The following KCNIP4 variants were observed in gnomAD, a reference collection of about 807,000 sequenced individuals.
KCNIP4 encodes Kv channel-interacting protein 4.
In KCNIP4, 12 loss-of-function variants were observed where a neutral mutation model predicts 34.0. The observed-to-expected ratio is 0.35, with a 90% CI of 0.23 to 0.57. The LOEUF (loss-of-function observed/expected upper bound fraction) is 0.57. Among genes scored for constraint, KCNIP4 ranks in the 20% least tolerant of loss-of-function variants. The pLI is 0.83. For missense variants in KCNIP4, 238 were observed against 311.7 expected (o/e 0.76, Z 1.78); for synonymous variants, 124 against 102.2 (o/e 1.21, Z -1.29).
intron 1 of KCNIP4, among the ~76,000 whole-genome samples, chr4:21,013,900 T>C (rs28473740): frequency 0.44 from 66,969 of 152,010 alleles, 16,328 homozygotes; most frequent in African/African-American, 0.67. Context: ...TTGAAACTCT[T>C]TACCTTGTCA....
rs552117340 is a variant in KCNIP4, at chr4:20,811,521, G to A, written c.288+39022C>T. Reference sequence around the variant, plus strand: ...TGTGTGTGTGTGTGTGTGTGCGCGCGCGCACGCGTGCACGCCAGAGGGGAG... The same window carrying A: ...TGTGTGTGTGTGTGTGTGTGCGCGCACGCACGCGTGCACGCCAGAGGGGAG... On this transcript the variant is annotated intron_variant, in intron 3 of 8. Coordinates refer to ENST00000382152, the MANE Select transcript of KCNIP4 (RefSeq NM_025221.6). Among the ~76,000 whole-genome samples, 30 of 149,238 alleles carry A rather than the reference G, an allele frequency of 2.0e-4. No individual in the cohort carries two copies. In the South Asian group the frequency reaches 2.7e-3, roughly 14 times the overall value.
intron 1 of KCNIP4, among the ~76,000 whole-genome samples, chr4:21,643,458 T>C (rs1474103204): frequency 2.0e-5 from 3 of 152,194 alleles, no homozygotes; most frequent in African/African-American, 7.2e-5. Flanking sequence ...TTAAGATGTA[T>C]ATGAGTGCCA....
intron 1 of KCNIP4, among the ~76,000 whole-genome samples, chr4:21,253,874 T>C (rs1026756845): frequency 2.6e-5 from 4 of 152,112 alleles, no homozygotes; most frequent in Admixed American, 6.5e-5. Flanking sequence ...TGTAAACAAA[T>C]AAATGGATTA....
intron 1 of KCNIP4, among the ~76,000 whole-genome samples, chr4:21,341,186 C>G (rs1468035337): frequency 1.3e-5 from 2 of 152,044 alleles, no homozygotes; most frequent in East Asian, 1.9e-4. Context: ...AGGATTTTTC[C>G]CTAGAGCTTT....
At chr4:21,409,864 C>T (rs1724332651) in intron 1 of KCNIP4, among the ~76,000 whole-genome samples, 1 of 152,098 alleles carries the variant, frequency 6.6e-6, no homozygotes, top group Admixed American at 6.5e-5. Context: ...TGTCATCAGT[C>T]CTGAGGGTTT....
chr4:21,071,056 T>G (rs1330738996), intron 1 of KCNIP4, among the ~76,000 whole-genome samples: 2 of 152,096 alleles, frequency 1.3e-5, no homozygotes, highest in East Asian at 1.9e-4. Context: ...CCCAGTCTGT[T>G]GCTTGTCTTT....
At chr4:21,317,812 G>A (rs1465852563) in intron 1 of KCNIP4, among the ~76,000 whole-genome samples, 1 of 152,262 alleles carries the variant, frequency 6.6e-6, no homozygotes, top group East Asian at 1.9e-4. Context: ...ATAAGTCCCA[G>A]GAGATCTGAT....
chr4:21,675,178 T>G (rs1237900883), intron 1 of KCNIP4, among the ~76,000 whole-genome samples: 1 of 152,174 alleles, frequency 6.6e-6, no homozygotes, highest in East Asian at 1.9e-4. Flanking sequence ...TTATGTTAAG[T>G]GAAATAAACA....
intron 1 of KCNIP4, among the ~76,000 whole-genome samples, chr4:21,895,513 A>G (rs183284866): frequency 1.3e-4 from 20 of 152,308 alleles, no homozygotes; most frequent in African/African-American, 4.8e-4. Context: ...CTATGTCAGT[A>G]TTAGGAATGA....
At chr4:20,979,244 G>A (rs1735797290) in intron 1 of KCNIP4, among the ~76,000 whole-genome samples, 1 of 151,996 alleles carries the variant, frequency 6.6e-6, no homozygotes, top group Non-Finnish European at 1.5e-5. Flanking sequence ...TTCATGTCAT[G>A]GATATCATTA....
chr4:21,699,704 G>C (rs574851773), intron 1 of KCNIP4, among the ~76,000 whole-genome samples: 21 of 152,274 alleles, frequency 1.4e-4, no homozygotes, highest in African/African-American at 5.1e-4. Context: ...AGCCAGGAGA[G>C]ACTTCTGGGA....
At chr4:21,253,317 C>T (rs1221154672) in intron 1 of KCNIP4, among the ~76,000 whole-genome samples, 1 of 152,106 alleles carries the variant, frequency 6.6e-6, no homozygotes, top group Admixed American at 6.5e-5. Context: ...AAATGTGGTA[C>T]CCCCTACTTC....
At chr4:21,310,631 T>A (rs1443105088) in intron 1 of KCNIP4, among the ~76,000 whole-genome samples, 2 of 147,114 alleles carry the variant, frequency 1.4e-5, no homozygotes, top group Non-Finnish European at 3.0e-5. Flanking sequence ...TTCTTTCTTC[T>A]TCTTTTTTTT....
chr4:21,619,851 G>A (rs889262672), intron 1 of KCNIP4, among the ~76,000 whole-genome samples: 1 of 152,150 alleles, frequency 6.6e-6, no homozygotes, highest in Non-Finnish European at 1.5e-5. Context: ...AAAATCATAA[G>A]TGCTTTAGTA....
chr4:20,996,287 C>T (rs1349895732), intron 1 of KCNIP4, among the ~76,000 whole-genome samples: 1 of 152,186 alleles, frequency 6.6e-6, no homozygotes, highest in Non-Finnish European at 1.5e-5. Flanking sequence ...TTTTACACAG[C>T]AGCCAGATTA....
chr4:20,734,620 T>C lies in KCNIP4; in HGVS notation c.537+8A>G. ...AAATTACTGTGATGTTGGTGAGGCATCCCTTACCTCTTTAGTGATGTAGCC... is the reference window on the plus strand; with the variant it reads ...AAATTACTGTGATGTTGGTGAGGCACCCCTTACCTCTTTAGTGATGTAGCC... On this transcript the variant is annotated splice_region_variant and intron_variant, in intron 6 of 8. Transcript: ENST00000382152. The C allele has an allele frequency of 7.9e-7, 1 of 1,273,122 alleles. No individual in the cohort carries two copies. The highest frequency in any genetic ancestry group is 1.1e-6 in the Non-Finnish European group (1 of 912,404). 78.9% of individuals were successfully genotyped at this position (1,273,122 alleles called of 1,614,324 possible). A position where few individuals can be genotyped will look rare whatever the true frequency, so the allele number is the denominator to read the frequency against.
At chr4:21,044,336 G>C (rs373270395) in intron 1 of KCNIP4, among the ~76,000 whole-genome samples, 74 of 151,780 alleles carry the variant, frequency 4.9e-4, no homozygotes, top group African/African-American at 1.6e-3. Context: ...TTTTGAGATG[G>C]AGTCTCACTC....
intron 1 of KCNIP4, among the ~76,000 whole-genome samples, chr4:20,905,128 T>C (rs1055184325): frequency 6.6e-6 from 1 of 152,176 alleles, no homozygotes. Context: ...ACAGACCAGG[T>C]GGCTTAAACA....
intron 1 of KCNIP4, among the ~76,000 whole-genome samples, chr4:21,383,178 C>A (rs1721680976): frequency 2.0e-5 from 3 of 152,170 alleles, no homozygotes; most frequent in Admixed American, 2.0e-4. Context: ...AGAAACCAAC[C>A]CTGCTGACAC....
Sources: gnomAD v4.1 joint callset for allele counts (sites outside exome capture counted in the v4.1 genomes callset) on GRCh38, gnomAD v4.1.1 for gene constraint, MANE v1.5 for transcripts, NCBI Gene and HGNC (gene_info 2026-07-23, HGNC 2026-07-21) for gene names.